BASP1: variants seen among roughly 807,000 people sequenced by gnomAD.
BASP1 encodes brain acid soluble protein 1.
A neutral mutation model predicts 2.2 loss-of-function variants in BASP1; 1 was observed. The observed-to-expected ratio is 0.46, with a 90% confidence interval of 0.16 to 2.17. The LOEUF is 2.17. Among genes scored for constraint, BASP1 ranks in the 30% most tolerant of loss-of-function variants. The probability of loss-of-function intolerance (pLI) is 0.27; values close to 1 mark genes in which losing one functional copy is unlikely to be tolerated. For missense variants in BASP1, 352 were observed against 327.2 expected, an observed-to-expected ratio of 1.08 and a Z score of -0.58; for synonymous variants, 187 against 154.2, an observed-to-expected ratio of 1.21 and a Z score of -1.58.
chr5:17,243,461 A>G (rs1291055372), intron 1 of BASP1, among the ~76,000 whole-genome samples: 1 of 151,990 alleles, frequency 6.6e-6, no homozygotes, highest in Non-Finnish European at 1.5e-5. Context: ...GCTCCCTCCA[A>G]CCTTCTTAAC....
chr5:17,253,969 G>T (rs535488727), intron 1 of BASP1, among the ~76,000 whole-genome samples: 1 of 151,818 alleles, frequency 6.6e-6, no homozygotes, highest in Admixed American at 6.6e-5. Context: ...TAGCTATTTT[G>T]GAAAAGCATT....
At position 17,260,282 on chromosome 5, in the gene BASP1, C is replaced by T. The variant is rs947640610; in HGVS notation, c.-9-14926C>T. ...TCTGCATTAGTGTCTATACAGTCAA[C>T]CTTTACATTCAAGGAGAAGCTTAAC... On this transcript the variant is annotated intron_variant, in intron 1 of 1. Coordinates refer to ENST00000322611, the MANE Select transcript of BASP1 (RefSeq NM_006317.5). This position sits in a 1 kb window ranked among gnomAD's most constrained non-coding sequence, Gnocchi z 4.2. 1.3e-5 allele frequency among the ~76,000 whole-genome samples: 2 copies of T among 152,106 alleles called. No individual in the cohort carries two copies. The highest frequency in any genetic ancestry group is 4.8e-5 in the African/African-American group (2 of 41,368).
chr5:17,239,881 G>A (rs529297896), intron 1 of BASP1, among the ~76,000 whole-genome samples: 58 of 152,194 alleles, frequency 3.8e-4, no homozygotes, highest in African/African-American at 1.3e-3. Context: ...GTAGCATGGA[G>A]GTGTTGCTTC....
chr5:17,241,924 A>G (rs1198577674), intron 1 of BASP1, among the ~76,000 whole-genome samples: 1 of 152,190 alleles, frequency 6.6e-6, no homozygotes, highest in Non-Finnish European at 1.5e-5. Context: ...ATTTAATTAA[A>G]TGGGGGAAGG....
intron 1 of BASP1, among the ~76,000 whole-genome samples, chr5:17,248,205 C>A (rs1740032982): frequency 6.6e-6 from 1 of 152,174 alleles, no homozygotes; most frequent in Non-Finnish European, 1.5e-5. Context: ...TTGGCTCACA[C>A]TTAAATTTAA....
intron 1 of BASP1, among the ~76,000 whole-genome samples, chr5:17,269,057 A>G (rs2126519645): frequency 6.6e-6 from 1 of 152,318 alleles, no homozygotes; most frequent in South Asian, 2.1e-4. Flanking sequence ...AGATCCTCTG[A>G]AGACACTAAA....
At position 17,276,689 on chromosome 5, in the gene BASP1, C is replaced by T. The variant is rs1410405409; in HGVS notation, c.*789C>T. Reference sequence around the variant, plus strand: ...TTGCAGTTCCAGTTTCTCTTCCATTCTGTGTCACAGACACCAACACACCAC... The same window carrying T: ...TTGCAGTTCCAGTTTCTCTTCCATTTTGTGTCACAGACACCAACACACCAC... On this transcript the variant is annotated 3_prime_UTR_variant, in exon 2 of 2. Coordinates refer to ENST00000322611, the MANE Select transcript of BASP1 (RefSeq NM_006317.5). 2 of 149,642 alleles carry T rather than the reference C, an allele frequency of 1.3e-5. No homozygotes were observed. The highest frequency in any genetic ancestry group is 3.1e-5 in the Non-Finnish European group (2 of 65,200). The allele number at this position is 149,642 out of a possible 1,614,324, so 9.3% of individuals were successfully genotyped here. A position where few individuals can be genotyped will look rare whatever the true frequency, so the allele number is the denominator to read the frequency against.
chr5:17,218,209 A>G (rs891556549), intron 1 of BASP1, among the ~76,000 whole-genome samples: 3 of 140,430 alleles, frequency 2.1e-5, no homozygotes, highest in Non-Finnish European at 4.6e-5. Context: ...CGCTTCCGTC[A>G]TCGGAGCCCT....
intron 1 of BASP1, among the ~76,000 whole-genome samples, chr5:17,244,084 A>T (rs926675675): frequency 3.9e-5 from 6 of 152,238 alleles, no homozygotes; most frequent in African/African-American, 1.4e-4. Flanking sequence ...ATTTGGTGAG[A>T]TTCTATACAT....
chr5:17,229,178 C>A (rs947320515), intron 1 of BASP1, among the ~76,000 whole-genome samples: 2 of 152,194 alleles, frequency 1.3e-5, no homozygotes, highest in African/African-American at 4.8e-5. Context: ...TGAGGTTTAA[C>A]TGGCTGGGGA....
At chr5:17,235,528 C>A (rs1739725084) in intron 1 of BASP1, among the ~76,000 whole-genome samples, 1 of 152,116 alleles carries the variant, frequency 6.6e-6, no homozygotes, top group African/African-American at 2.4e-5. Context: ...TCCCAAAGTG[C>A]TAGGATTACA....
chr5:17,258,783 G>C (rs1281941762), intron 1 of BASP1, among the ~76,000 whole-genome samples: 1 of 152,156 alleles, frequency 6.6e-6, no homozygotes, highest in Non-Finnish European at 1.5e-5. Flanking sequence ...TCACACCTTG[G>C]GTGTTGCCTT....
rs542981661 is a variant in BASP1 at position 17,271,069 on chromosome 5, G to C, written c.-9-4139G>C. Among the ~76,000 whole-genome samples, 45 of 152,290 alleles carry C rather than the reference G, an allele frequency of 3.0e-4. 1 individual carries two copies. Among genetic ancestry groups the C allele is most frequent in the African/African-American group, 9.1e-4 (38 of 41,554 alleles). On this transcript the variant is annotated intron_variant, in intron 1 of 1. Transcript: ENST00000322611. ...TTTCTATGCCAATATTAATCGGTAA[G>C]CCTGTCATTTTCGCCCTTGTGGCAT...
chr5:17,220,090 G>A (rs1464713877), intron 1 of BASP1, among the ~76,000 whole-genome samples: 1 of 152,164 alleles, frequency 6.6e-6, no homozygotes, highest in Admixed American at 6.5e-5. Context: ...GCAGTGGTAG[G>A]TTATGTTTAA....
intron 1 of BASP1, among the ~76,000 whole-genome samples, chr5:17,240,007 T>C (rs1739830240): frequency 6.6e-6 from 1 of 151,968 alleles, no homozygotes; most frequent in Non-Finnish European, 1.5e-5. Flanking sequence ...TGGAACCTAA[T>C]GCCCAGTGTG....
intron 1 of BASP1, among the ~76,000 whole-genome samples, chr5:17,222,694 C>T (rs753291782): frequency 3.9e-5 from 6 of 152,074 alleles, no homozygotes; most frequent in Non-Finnish European, 7.4e-5. Context: ...TCTTCTGCAC[C>T]CTAAGGATTT....
intron 1 of BASP1, among the ~76,000 whole-genome samples, chr5:17,224,662 G>T (rs1159163737): frequency 6.6e-6 from 1 of 152,214 alleles, no homozygotes; most frequent in Non-Finnish European, 1.5e-5. Context: ...AGTGAATGGA[G>T]ACTAATACCT....
rs2173967 is a variant in BASP1, at chr5:17,236,763, T to C, written c.-10+18953T>C. Among the ~76,000 whole-genome samples the C allele has an allele frequency of 0.033, 4,954 of 152,254 alleles. 102 individuals are homozygous for C. Among genetic ancestry groups the C allele is most frequent in the South Asian group, 0.11 (533 of 4,816 alleles). ...ACCCTGATATCTGAAAGCTGAGTGG[T>C]TCAAATATGGTGAGCAATGCACTCT... On this transcript the variant is annotated intron_variant, in intron 1 of 1. Coordinates refer to ENST00000322611, the MANE Select transcript of BASP1 (RefSeq NM_006317.5). The surrounding 1 kb of genome is among the most constrained non-coding windows in gnomAD (Gnocchi z 4.0).
intron 1 of BASP1, among the ~76,000 whole-genome samples, chr5:17,261,880 T>C (rs528294618): frequency 6.6e-6 from 1 of 152,356 alleles, no homozygotes; most frequent in African/African-American, 2.4e-5. Context: ...CTTTCTCTTC[T>C]GGCGCCTCAT....
Sources: allele counts gnomAD v4.1 joint callset (sites outside exome capture counted in the v4.1 genomes callset), GRCh38; gene constraint gnomAD v4.1.1; non-coding constraint Gnocchi (gnomAD v3.1); transcripts MANE v1.5; gene names NCBI Gene and HGNC (gene_info 2026-07-23, HGNC 2026-07-21).